ANKRD11: variants seen among roughly 807,000 people sequenced by gnomAD.
The protein encoded by ANKRD11 is ankyrin repeat domain 11, also known as ankyrin repeat domain-containing protein 11.
Under a neutral mutation model 195.7 loss-of-function variants are expected in ANKRD11, and 17 were observed. The ratio of observed to expected loss-of-function variants is 0.09; its 90% CI spans 0.06 to 0.13. The LOEUF (loss-of-function observed/expected upper bound fraction) is 0.13. Ranked by LOEUF, ANKRD11 falls within the 10% of genes least tolerant of loss-of-function variation. The pLI is 1.00. For missense variants in ANKRD11, 3,735 were observed against 3,566.1 expected (o/e 1.05, Z -1.21); for synonymous variants, 1,953 against 1,528.1 (o/e 1.28, Z -6.49).
At chr16:89,384,376 C>G (rs920599936) in intron 2 of ANKRD11, among the ~76,000 whole-genome samples, 1 of 152,118 alleles carries the variant, frequency 6.6e-6, no homozygotes, top group African/African-American at 2.4e-5. Context: ...ATGAAAAATA[C>G]AAAAATTAGC....
intron 2 of ANKRD11, chr16:89,324,333 G>T (rs567068476): frequency 1.7e-6 from 2 of 1,197,944 alleles, no homozygotes; most frequent in Admixed American, 4.6e-5. Flanking sequence ...TCGGGGCGAC[G>T]TGGGTGCCTC....
At chr16:89,327,099 GAATGCAGAGGTTGGA>G (rs1567652940) in intron 2 of ANKRD11, among the ~76,000 whole-genome samples, 1 of 44,776 alleles carries the variant, frequency 2.2e-5, no homozygotes, top group African/African-American at 8.6e-5. Flanking sequence ...CAGAGGTGGG[GAATGCAGAGGTTGGA>G]AATGCAGAGG....
At chr16:89,433,092 G>A (rs112149103) in intron 1 of ANKRD11, among the ~76,000 whole-genome samples, 191 of 152,096 alleles carry the variant, frequency 1.3e-3, no homozygotes, top group African/African-American at 4.4e-3. Context: ...TGGCCTCTGA[G>A]CATTTTACCC....
chr16:89,395,472 TTCTGTGAGCA>T (rs1454307309), intron 2 of ANKRD11, among the ~76,000 whole-genome samples: 57 of 152,336 alleles, frequency 3.7e-4, no homozygotes, highest in South Asian at 4.1e-4. Context: ...CACGTGCTGC[TTCTGTGAGCA>T]TGCGCCCAGG....
At chr16:89,278,106 AGT>A (rs1371992096) in intron 9 of ANKRD11, 1 of 230,936 alleles carries the variant, frequency 4.3e-6, no homozygotes, top group African/African-American at 2.3e-5. Context: ...CGCTAGGCAC[AGT>A]GTGAGTGGAG....
At chr16:89,430,546 G>A (rs1440589983) in intron 1 of ANKRD11, among the ~76,000 whole-genome samples, 5 of 151,992 alleles carry the variant, frequency 3.3e-5, no homozygotes, top group African/African-American at 7.3e-5. Flanking sequence ...AGACGTTCTA[G>A]TACACAGCAG....
intron 1 of ANKRD11, among the ~76,000 whole-genome samples, chr16:89,462,869 C>G (rs1055795175): frequency 1.3e-5 from 2 of 150,978 alleles, no homozygotes; most frequent in African/African-American, 4.9e-5. Flanking sequence ...GCGTCTCCGC[C>G]CAGCAGCCGC....
chr16:89,276,138 C>T (rs1417306506), intron 9 of ANKRD11, among the ~76,000 whole-genome samples: 1 of 152,164 alleles, frequency 6.6e-6, no homozygotes, highest in Non-Finnish European at 1.5e-5. Flanking sequence ...GGCAGGTGGA[C>T]GCACAAGAGG....
intron 2 of ANKRD11, among the ~76,000 whole-genome samples, chr16:89,401,493 TA>T (rs2041685327): frequency 6.6e-6 from 1 of 152,226 alleles, no homozygotes; most frequent in Non-Finnish European, 1.5e-5. Flanking sequence ...CCTTATTTTG[TA>T]AAAAGTACAT....
chr16:89,350,789 T>G (rs2039177229), intron 2 of ANKRD11, among the ~76,000 whole-genome samples: 1 of 152,186 alleles, frequency 6.6e-6, no homozygotes, highest in South Asian at 2.1e-4. Context: ...AACATGATGC[T>G]CATGTTGAGT....
intron 1 of ANKRD11, among the ~76,000 whole-genome samples, chr16:89,478,345 T>TA (rs987094532): frequency 4.0e-5 from 6 of 151,894 alleles, no homozygotes; most frequent in African/African-American, 1.2e-4. Context: ...GTTTTTTTTT[T>TA]AACGTCCTTC....
At chr16:89,453,728 A>C (rs2056296538) in intron 1 of ANKRD11, among the ~76,000 whole-genome samples, 1 of 152,246 alleles carries the variant, frequency 6.6e-6, no homozygotes, top group African/African-American at 2.4e-5. Context: ...AGCGGCAAAC[A>C]AAAGAGACCG....
At chr16:89,312,575 G>T (rs930588113) in intron 3 of ANKRD11, among the ~76,000 whole-genome samples, 1 of 152,248 alleles carries the variant, frequency 6.6e-6, no homozygotes, top group Non-Finnish European at 1.5e-5. Flanking sequence ...CCTCTGTGAT[G>T]CTGCTCTATG....
chr16:89,426,104 G>A (rs1293145529), intron 1 of ANKRD11, among the ~76,000 whole-genome samples: 1 of 152,140 alleles, frequency 6.6e-6, no homozygotes, highest in African/African-American at 2.4e-5. Flanking sequence ...AGTCCTCAGA[G>A]GAGGCATCCG....
chr16:89,365,446 C>T (rs2039904232), intron 2 of ANKRD11, among the ~76,000 whole-genome samples: 1 of 152,202 alleles, frequency 6.6e-6, no homozygotes, highest in Admixed American at 6.5e-5. Context: ...TGCAGGGGAG[C>T]CTCCCAGATG....
At chr16:89,450,370 A>G (rs1430098446) in intron 1 of ANKRD11, among the ~76,000 whole-genome samples, 1 of 152,250 alleles carries the variant, frequency 6.6e-6, no homozygotes, top group African/African-American at 2.4e-5. Context: ...ACAACGAAGT[A>G]TACCTGGCTG....
chr16:89,366,376 C>T (rs1332022585), intron 2 of ANKRD11, among the ~76,000 whole-genome samples: 1 of 152,126 alleles, frequency 6.6e-6, no homozygotes, highest in Non-Finnish European at 1.5e-5. Context: ...AATGGTAGTT[C>T]TGGTTTTAGC....
intron 2 of ANKRD11, among the ~76,000 whole-genome samples, chr16:89,417,325 C>T (rs1453836517): frequency 1.3e-5 from 2 of 152,182 alleles, no homozygotes; most frequent in Admixed American, 6.5e-5. Context: ...ACTTTAAAAC[C>T]ATGACTCACA....
intron 1 of ANKRD11, among the ~76,000 whole-genome samples, chr16:89,447,810 T>TC (rs1427381975): frequency 6.6e-6 from 1 of 150,584 alleles, no homozygotes; most frequent in African/African-American, 2.4e-5. Flanking sequence ...TTTTCTTTTT[T>TC]TTTTTTTTTT....
Sources: gnomAD v4.1 joint callset for allele counts (sites outside exome capture counted in the v4.1 genomes callset) on GRCh38, gnomAD v4.1.1 for gene constraint, MANE v1.5 for transcripts, NCBI Gene and HGNC (gene_info 2026-07-23, HGNC 2026-07-21) for gene names.